Variants in CHRM2 observed in about 807,000 individuals in gnomAD.
The protein encoded by CHRM2 is muscarinic acetylcholine receptor M2.
CHRM2 carries 8 observed loss-of-function variants against 25.0 expected under a neutral mutation model. The observed-to-expected ratio is 0.32, with a 90% CI of 0.19 to 0.58. CHRM2 has a LOEUF of 0.58. Among genes scored for constraint, CHRM2 ranks in the 20% least tolerant of loss-of-function variants. The probability of loss-of-function intolerance (pLI) is 0.88; values close to 1 mark genes in which losing one functional copy is unlikely to be tolerated. For missense variants in CHRM2, 440 were observed against 567.1 expected (o/e 0.78, Z 2.28); for synonymous variants, 202 against 205.7 (o/e 0.98, Z 0.15).
chr7:136,941,333 C>T (rs1799759463), intron 2 of CHRM2, among the ~76,000 whole-genome samples: 1 of 152,158 alleles, frequency 6.6e-6, no homozygotes, highest in South Asian at 2.1e-4. Flanking sequence ...GTGCCTCAGA[C>T]ATAATGCTGT....
intron 2 of CHRM2, among the ~76,000 whole-genome samples, chr7:136,887,873 A>C (rs769710955): frequency 1.3e-4 from 20 of 152,322 alleles, no homozygotes; most frequent in Middle Eastern, 6.8e-3. Flanking sequence ...TTGAAGAAAC[A>C]GATGTGAAGA....
At chr7:136,997,442 G>A (rs749145175) in intron 3 of CHRM2, among the ~76,000 whole-genome samples, 27 of 152,032 alleles carry the variant, frequency 1.8e-4, no homozygotes, top group South Asian at 4.2e-4. Context: ...TTTTTTCTTC[G>A]GTTTACTTCT....
chr7:136,892,659 T>C (rs895972473), intron 2 of CHRM2, among the ~76,000 whole-genome samples: 1 of 146,786 alleles, frequency 6.8e-6, no homozygotes, highest in African/African-American at 2.6e-5. Context: ...TAAAGTGCTC[T>C]TATTAAAAGT....
intron 2 of CHRM2, among the ~76,000 whole-genome samples, chr7:136,979,493 T>C (rs1270123217): frequency 6.6e-6 from 1 of 152,224 alleles, no homozygotes; most frequent in Non-Finnish European, 1.5e-5. Flanking sequence ...CCATTGCTTT[T>C]GGTATTTCAG....
intron 2 of CHRM2, among the ~76,000 whole-genome samples, chr7:136,977,211 T>C (rs1802160475): frequency 6.6e-6 from 1 of 152,124 alleles, no homozygotes; most frequent in African/African-American, 2.4e-5. Context: ...AAGATTTTAA[T>C]GTCCCCTACA....
Position 136,938,068 on chromosome 7 carries a change from A to G in CHRM2, c.-124-54119A>G, listed in dbSNP as rs182017994. 2.1e-3 allele frequency among the ~76,000 whole-genome samples: 313 copies of G among 152,288 alleles called. 3 individuals carry two copies. In the Middle Eastern group the frequency reaches 0.031, roughly 15 times the overall value. On this transcript the variant is annotated intron_variant, in intron 2 of 3. Coordinates refer to ENST00000680005, the MANE Select transcript of CHRM2 (RefSeq NM_001006630.2). Reference sequence around the variant, plus strand: ...AACGTAATGGTGTATGAGAGAGGGCAGGCATTTCTGGAGTTGGGAATTGGT... The same window carrying G: ...AACGTAATGGTGTATGAGAGAGGGCGGGCATTTCTGGAGTTGGGAATTGGT...
intron 3 of CHRM2, among the ~76,000 whole-genome samples, chr7:137,004,531 G>T (rs890701925): frequency 3.3e-5 from 5 of 152,080 alleles, no homozygotes; most frequent in Non-Finnish European, 4.4e-5. Flanking sequence ...AAGAGGGAAG[G>T]GGCTGAGGTC....
intron 2 of CHRM2, among the ~76,000 whole-genome samples, chr7:136,921,950 A>G (rs1424590822): frequency 6.6e-6 from 1 of 151,874 alleles, no homozygotes; most frequent in African/African-American, 2.4e-5. Context: ...TATTTCTAGT[A>G]CAGACAGGGT....
chr7:136,891,620 C>T (rs1796693969), intron 2 of CHRM2, among the ~76,000 whole-genome samples: 1 of 152,146 alleles, frequency 6.6e-6, no homozygotes, highest in African/African-American at 2.4e-5. Context: ...TCTGCAACTT[C>T]TCACCTCCCC....
At chr7:136,989,170 T>G (rs1426566785) in intron 2 of CHRM2, among the ~76,000 whole-genome samples, 1 of 152,140 alleles carries the variant, frequency 6.6e-6, no homozygotes, top group African/African-American at 2.4e-5. Flanking sequence ...TTGATCCATA[T>G]TTAATATATG....
chr7:136,919,211 T>C (rs1798289251), intron 2 of CHRM2, among the ~76,000 whole-genome samples: 1 of 152,126 alleles, frequency 6.6e-6, no homozygotes, highest in Non-Finnish European at 1.5e-5. Context: ...ATTCACAGTA[T>C]AGAAGTGAAT....
intron 2 of CHRM2, among the ~76,000 whole-genome samples, chr7:136,910,851 G>T (rs1056972681): frequency 6.6e-5 from 10 of 150,936 alleles, no homozygotes; most frequent in South Asian, 6.2e-4. Flanking sequence ...GAGAAACTTG[G>T]TGCCAAATGA....
At chr7:136,904,200 C>T (rs1797403624) in intron 2 of CHRM2, among the ~76,000 whole-genome samples, 1 of 151,832 alleles carries the variant, frequency 6.6e-6, no homozygotes, top group Non-Finnish European at 1.5e-5. Context: ...CATCCTTATA[C>T]TGTTGAAAAT....
rs1168996974 is a variant in CHRM2 at position 137,015,544 on chromosome 7, A to C, written c.679A>C (p.Asn227His). 1.9e-6 allele frequency: 3 copies of C among 1,612,900 alleles called. No individual in the cohort carries two copies. Among genetic ancestry groups the C allele is most frequent in the Non-Finnish European group, 2.5e-6 (3 of 1,179,568 alleles). The change falls in exon 4 of 4, where the codon AAC (asparagine) becomes CAC (histidine). Residue 227 changes from asparagine (N) to histidine (H), a missense_variant. Physicochemically the swap from Asn to His is moderately conservative, Grantham distance 68 (BLOSUM62 1). Coordinates refer to ENST00000680005, the MANE Select transcript of CHRM2 (RefSeq NM_001006630.2). The surrounding 1 kb of genome is among the most constrained non-coding windows in gnomAD (Gnocchi z 5.1). ...IKKDKKEPVA[N>H]QDPVSPSLVQ... ...GAAGGACAAGAAGGAGCCTGTTGCC[A>C]ACCAAGACCCCGTTTCTCCAAGTCT...
chr7:136,978,689 G>A (rs190100538), intron 2 of CHRM2, among the ~76,000 whole-genome samples: 8 of 152,264 alleles, frequency 5.3e-5, no homozygotes, highest in African/African-American at 1.7e-4. Flanking sequence ...TTATGAGTGA[G>A]AACATGCAGT....
chr7:137,011,215 G>GTGTGTGTATATATA, intron 3 of CHRM2, among the ~76,000 whole-genome samples: 178 of 134,320 alleles, frequency 1.3e-3, no homozygotes, highest in African/African-American at 4.6e-3. Context: ...GTGTGTGTGT[G>GTGTGTGTATATATA]TATATATATA....
chr7:136,979,530 T>A (rs1340921780), intron 2 of CHRM2, among the ~76,000 whole-genome samples: 1 of 152,240 alleles, frequency 6.6e-6, no homozygotes, highest in Non-Finnish European at 1.5e-5. Context: ...CAGGCCTATA[T>A]CCGTAATGGT....
intron 2 of CHRM2, among the ~76,000 whole-genome samples, chr7:136,984,474 C>A (rs1802707624): frequency 6.6e-6 from 1 of 151,610 alleles, no homozygotes; most frequent in Non-Finnish European, 1.5e-5. Context: ...GCGTTCCAGG[C>A]ACCACCGGGG....
Position 136,903,320 on chromosome 7 carries a change from G to T in CHRM2, c.-125+33902G>T, listed in dbSNP as rs770849536. ...ACTCCATCTTCCCAAGAACTAAATG[G>T]GTGTCTTCTATAGTGTATGTGCAAA... On this transcript the variant is annotated intron_variant, in intron 2 of 3. Coordinates refer to ENST00000680005, the MANE Select transcript of CHRM2 (RefSeq NM_001006630.2). 3 of 519,366 alleles carry T rather than the reference G, an allele frequency of 5.8e-6. No individual in the cohort carries two copies. In the African/African-American group the frequency reaches 5.9e-5, roughly 10 times the overall value. 32.2% of individuals were successfully genotyped at this position (519,366 alleles called of 1,614,324 possible). A position where few individuals can be genotyped will look rare whatever the true frequency, so the allele number is the denominator to read the frequency against.
Sources: allele counts gnomAD v4.1 joint callset (sites outside exome capture counted in the v4.1 genomes callset), GRCh38; gene constraint gnomAD v4.1.1; non-coding constraint Gnocchi (gnomAD v3.1); transcripts MANE v1.5; gene names NCBI Gene and HGNC (gene_info 2026-07-23, HGNC 2026-07-21).